Variants in VPS13B observed in about 807,000 individuals in gnomAD.
The protein encoded by VPS13B is vacuolar protein sorting 13 homolog B, also known as intermembrane lipid transfer protein VPS13B.
Under a neutral mutation model 426.4 loss-of-function variants are expected in VPS13B, and 285 were observed. That is an observed-to-expected ratio of 0.67 (90% CI 0.61 to 0.74). VPS13B has a LOEUF of 0.74. VPS13B is among the 30% of genes least tolerant of loss of function. The pLI, the probability that VPS13B is intolerant of heterozygous loss-of-function variation, is 0.00. For synonymous variants in VPS13B, 1,676 were observed against 1,676.4 expected (o/e 1.00, Z 0.01); for missense variants, 4,537 against 4,782.6 (o/e 0.95, Z 1.51).
chr8:99,575,770 A>G lies in VPS13B; in HGVS notation c.5062A>G (p.Asn1688Asp). The G allele has an allele frequency of 6.2e-7, 1 of 1,613,674 alleles. No homozygotes were observed. Among genetic ancestry groups the G allele is most frequent in the Non-Finnish European group, 8.5e-7 (1 of 1,179,772 alleles). ...TTTCACCAAAGTAGTTTCTCCAGAA[A>G]ATTTGCATACTGAGGTTAGAACATA... ...VIFTKVVSPENLHTEEILVCG... is the reference protein window; with the variant it reads ...VIFTKVVSPEDLHTEEILVCG... Residue 1688 changes from asparagine (N) to aspartate (D), a missense_variant, in exon 32 of 62, where the codon AAT becomes GAT. Asn to Asp is a conservative substitution (Grantham distance 23, BLOSUM62 1). Coordinates refer to ENST00000357162, the MANE Select transcript of VPS13B (RefSeq NM_152564.5).
intron 30 of VPS13B, among the ~76,000 whole-genome samples, chr8:99,539,604 G>A (rs1197523004): frequency 6.6e-6 from 1 of 152,010 alleles, no homozygotes; most frequent in Non-Finnish European, 1.5e-5. Flanking sequence ...ACATTAGCCA[G>A]GTACACACCT....
At chr8:99,040,603 G>C (rs927295672) in intron 3 of VPS13B, among the ~76,000 whole-genome samples, 67 of 152,106 alleles carry the variant, frequency 4.4e-4, no homozygotes, top group Non-Finnish European at 2.9e-5. Context: ...GATTAGTATA[G>C]TATGTAATTA....
At chr8:99,564,842 A>G (rs546036841) in intron 31 of VPS13B, among the ~76,000 whole-genome samples, 1 of 152,286 alleles carries the variant, frequency 6.6e-6, no homozygotes, top group East Asian at 1.9e-4. Flanking sequence ...CCTTCCTCTT[A>G]CTAGTCAACT....
intron 43 of VPS13B, among the ~76,000 whole-genome samples, chr8:99,801,080 T>A (rs1050532859): frequency 6.6e-6 from 1 of 152,180 alleles, no homozygotes; most frequent in African/African-American, 2.4e-5. Flanking sequence ...TTTGTTCCAT[T>A]GTCTCTCACG....
intron 22 of VPS13B, among the ~76,000 whole-genome samples, chr8:99,434,813 T>C (rs1817290014): frequency 6.6e-6 from 1 of 152,214 alleles, no homozygotes; most frequent in Non-Finnish European, 1.5e-5. Context: ...ATCAGCTATA[T>C]TTCACCAGTC....
intron 35 of VPS13B, chr8:99,696,271 C>T (rs560219622): frequency 1.2e-4 from 23 of 194,162 alleles, no homozygotes; most frequent in Admixed American, 2.8e-4. Flanking sequence ...TTGAGGAAGG[C>T]GGCCAAGTGT....
chr8:99,653,359 TTTAAAGGCAG>T (rs1450886170), intron 34 of VPS13B, among the ~76,000 whole-genome samples: 3 of 152,204 alleles, frequency 2.0e-5, no homozygotes, highest in African/African-American at 7.2e-5. Context: ...GGGGGAATCA[TTTAAAGGCAG>T]TGATTAGCTT....
chr8:99,286,711 A>G (rs1217975845), intron 19 of VPS13B, among the ~76,000 whole-genome samples: 4 of 152,310 alleles, frequency 2.6e-5, no homozygotes, highest in East Asian at 3.9e-4. Flanking sequence ...ACAGAGCTCT[A>G]CATTGAAGCA....
intron 22 of VPS13B, among the ~76,000 whole-genome samples, chr8:99,438,004 C>T (rs1216910602): frequency 2.0e-5 from 3 of 148,394 alleles, no homozygotes; most frequent in Non-Finnish European, 4.5e-5. Flanking sequence ...TCTTGCTGTC[C>T]TATGACATGT....
At chr8:99,186,229 G>A (rs1006066677) in intron 16 of VPS13B, among the ~76,000 whole-genome samples, 18 of 152,066 alleles carry the variant, frequency 1.2e-4, no homozygotes, top group Non-Finnish European at 1.5e-5. Flanking sequence ...AAAATATTAG[G>A]TAAGTCCAGA....
chr8:99,372,724 A>C (rs1376416056), intron 19 of VPS13B, among the ~76,000 whole-genome samples: 2 of 152,222 alleles, frequency 1.3e-5, no homozygotes. Context: ...CAGGAGTGTA[A>C]ATTAGTTCAA....
In VPS13B at chr8:99,486,682, G is replaced by T. The variant is rs574964014; in HGVS notation, c.3870+4880G>T. ...TTTATGCAAAGAACTCCCCAGTTCA[G>T]ACTCTACACTATGTCTGCAGTCCCT... is the stretch of plus-strand genomic sequence containing the variant. On this transcript the variant is annotated intron_variant, in intron 25 of 61. Coordinates refer to ENST00000357162, the MANE Select transcript of VPS13B (RefSeq NM_152564.5). 5.3e-5 allele frequency among the ~76,000 whole-genome samples: 8 copies of T among 152,290 alleles called. No individual in the cohort carries two copies. In the South Asian group the frequency reaches 1.7e-3, roughly 32 times the overall value.
intron 40 of VPS13B, among the ~76,000 whole-genome samples, chr8:99,775,171 G>A (rs575991259): frequency 4.1e-4 from 62 of 152,150 alleles, no homozygotes; most frequent in Middle Eastern, 3.4e-3. Context: ...CTGGGGGGTC[G>A]TTCTGTTTGG....
At chr8:99,677,400 C>T (rs938103741) in intron 35 of VPS13B, among the ~76,000 whole-genome samples, 2 of 152,132 alleles carry the variant, frequency 1.3e-5, no homozygotes, top group Admixed American at 1.3e-4. Context: ...TTTCCAGTGT[C>T]AGTGCTATAT....
At chr8:99,805,586 T>C (rs1466910978) in intron 43 of VPS13B, among the ~76,000 whole-genome samples, 1 of 152,194 alleles carries the variant, frequency 6.6e-6, no homozygotes, top group Non-Finnish European at 1.5e-5. Context: ...AGTTTTATTT[T>C]GTATAGAAAA....
chr8:99,868,378 G>A lies in VPS13B; in HGVS notation c.11305G>A (p.Val3769Ile), dbSNP rs1375551293. Residue 3769 changes from valine (V) to isoleucine (I), a missense_variant, in exon 59 of 62, where the codon GTC becomes ATC. Val to Ile is a conservative substitution (Grantham distance 29). Around this residue, in one of 2 missense-constraint regions of VPS13B, gnomAD observed 4,311 missense variants for 4,474.3 expected, o/e 0.96. Transcript: ENST00000357162. ...QASAGHKAKG[V>I]ISGVGKGIMG... is the part of the protein sequence containing the mutation. Reference sequence around the variant, plus strand: ...TTCAGCAGGACACAAGGCCAAGGGTGTCATCTCGGGTGTGGGGAAAGGAAT... The same window carrying A: ...TTCAGCAGGACACAAGGCCAAGGGTATCATCTCGGGTGTGGGGAAAGGAAT... 3.1e-6 allele frequency: 5 copies of A among 1,614,138 alleles called. No homozygotes were observed. The highest frequency in any genetic ancestry group is 3.3e-5 in the Admixed American group (2 of 60,012).
chr8:99,742,641 T>A lies in VPS13B; in HGVS notation c.7050+21594T>A, dbSNP rs573105557. 8.5e-5 allele frequency among the ~76,000 whole-genome samples: 13 copies of A among 152,292 alleles called. No individual in the cohort carries two copies. The South Asian group carries it at 1.0e-3, about 12-fold the overall frequency. ...GCTTATCCACCATGATCAAGTGGGC[T>A]TCATCCCTGGGATGCAAGGCTGGTT... On this transcript the variant is annotated intron_variant, in intron 39 of 61. Transcript: ENST00000357162.
intron 3 of VPS13B, among the ~76,000 whole-genome samples, chr8:99,050,020 TTTTA>T (rs1296253343): frequency 6.6e-6 from 1 of 151,772 alleles, no homozygotes; most frequent in Non-Finnish European, 1.5e-5. Context: ...ACTTTTGTAT[TTTTA>T]TTTTTTTATT....
intron 58 of VPS13B, 54 bp from the exon 59 acceptor site, chr8:99,868,235 C>A: frequency 6.2e-7 from 1 of 1,611,022 alleles, no homozygotes; most frequent in Non-Finnish European, 8.5e-7. Flanking sequence ...TGGAGCCTTT[C>A]ATTTTCCGAG....
Sources: gnomAD v4.1 joint callset for allele counts (sites outside exome capture counted in the v4.1 genomes callset) on GRCh38, gnomAD v4.1.1 for gene constraint, gnomAD v4.1.1 regional missense constraint, MANE v1.5 for transcripts, NCBI Gene and HGNC (gene_info 2026-07-23, HGNC 2026-07-21) for gene names.